MAPK13: variants seen among roughly 807,000 people sequenced by gnomAD.
The protein encoded by MAPK13 is mitogen-activated protein kinase 13, also known as MAP kinase 13.
A neutral mutation model predicts 53.5 loss-of-function variants in MAPK13; 39 were observed. That is an observed-to-expected ratio of 0.73 (90% CI 0.56 to 0.95). MAPK13 has a LOEUF of 0.95. MAPK13 is among the 40% of genes least tolerant of loss of function. MAPK13 has a pLI of 0.00. For missense variants in MAPK13, 460 were observed against 471.8 expected, an observed-to-expected ratio of 0.98 and a Z score of 0.23; for synonymous variants, 179 against 190.9, an observed-to-expected ratio of 0.94 and a Z score of 0.51.
At chr6:36,137,958 C>CA (rs35527328) in intron 8 of MAPK13, among the ~76,000 whole-genome samples, 59,172 of 83,680 alleles carry the variant, frequency 0.71, 21,651 homozygotes, top group South Asian at 0.76. Flanking sequence ...GACCCTGTCT[C>CA]AAAAAAAAAA....
At chr6:36,134,351 A>C (rs1766374668) in intron 3 of MAPK13, among the ~76,000 whole-genome samples, 1 of 152,208 alleles carries the variant, frequency 6.6e-6, no homozygotes, top group Admixed American at 6.5e-5. Context: ...CAAAAAACAC[A>C]ACCTATTACA....
At chr6:36,133,137 T>C (rs1414303304) in intron 3 of MAPK13, among the ~76,000 whole-genome samples, 1 of 152,170 alleles carries the variant, frequency 6.6e-6, no homozygotes. Context: ...AGCTGCAAAA[T>C]GTATAGCTTT....
At chr6:36,131,903 A>G (rs1446925611) in intron 2 of MAPK13, among the ~76,000 whole-genome samples, 2 of 152,230 alleles carry the variant, frequency 1.3e-5, no homozygotes, top group Non-Finnish European at 2.9e-5. Flanking sequence ...ATGGTTAGTC[A>G]GTAGCAGAGC....
intron 3 of MAPK13, among the ~76,000 whole-genome samples, chr6:36,134,853 A>C (rs1464838095): frequency 1.3e-5 from 2 of 152,198 alleles, no homozygotes; most frequent in Non-Finnish European, 2.9e-5. Flanking sequence ...GTCTCTACTA[A>C]GAATACAAAA....
At position 36,143,894 on chromosome 6, in the gene MAPK13, G is replaced by C. The variant is rs1253486500; in HGVS notation, c.*4521G>C. ...TCCTGCGGGGTCCCTGCTCAGCTGG[G>C]CAGCTGCCCTCACTCTGGGCGGGTG... On this transcript the variant is annotated 3_prime_UTR_variant, in exon 12 of 12. Transcript: ENST00000211287. 1.3e-5 allele frequency: 2 copies of C among 152,252 alleles called. No individual in the cohort carries two copies. The highest frequency in any genetic ancestry group is 2.9e-5 in the Non-Finnish European group (2 of 68,074). The allele number at this position is 152,252 out of a possible 1,614,324, so 9.4% of individuals were successfully genotyped here. A position where few individuals can be genotyped will look rare whatever the true frequency, so the allele number is the denominator to read the frequency against.
intron 5 of MAPK13, 58 bp from the exon 6 acceptor site, chr6:36,136,426 G>C (rs572073722): frequency 6.9e-7 from 1 of 1,455,032 alleles, no homozygotes; most frequent in Admixed American, 2.3e-5. Context: ...TGGTGGTGGA[G>C]CTAGGACAAG....
At position 36,130,565 on chromosome 6, in the gene MAPK13, C is replaced by T. The variant is rs777782585; in HGVS notation, c.-18C>T. Reference sequence around the variant, plus strand: ...AACGCAGCCGCCACGCTGGGGCCGCCGAGATCGGGTGCCCGGGATGAGCCT... The same window carrying T: ...AACGCAGCCGCCACGCTGGGGCCGCTGAGATCGGGTGCCCGGGATGAGCCT... On this transcript the variant is annotated 5_prime_UTR_variant, in exon 1 of 12. Coordinates refer to ENST00000211287, the MANE Select transcript of MAPK13 (RefSeq NM_002754.5). This position sits in a 1 kb window ranked among gnomAD's most constrained non-coding sequence, Gnocchi z 4.5. 5.0e-6 allele frequency: 7 copies of T among 1,404,632 alleles called. No individual in the cohort carries two copies. The highest frequency in any genetic ancestry group is 6.8e-6 in the Non-Finnish European group (7 of 1,025,604). The allele number at this position is 1,404,632 out of a possible 1,614,324, so 87.0% of individuals were successfully genotyped here.
In MAPK13 at chr6:36,136,716, C is replaced by T. The variant is rs370006071; in HGVS notation, c.556C>T (p.Arg186Cys). ...CGAGATGACTGGCTACGTGGTGACC[C>T]GCTGGTACCGAGCCCCCGAGGTGAT... ...DAEMTGYVVT[R>C]WYRAPEVILS... The change falls in exon 7 of 12, where the codon CGC becomes TGC. Residue 186 changes from arginine (R) to cysteine (C), a missense_variant. Arg to Cys is a radical substitution (Grantham distance 180). Coordinates refer to ENST00000211287, the MANE Select transcript of MAPK13 (RefSeq NM_002754.5). 1.1e-5 allele frequency: 17 copies of T among 1,613,882 alleles called. No homozygotes were observed. Among genetic ancestry groups the T allele is most frequent in the Middle Eastern group, 1.6e-4 (1 of 6,084 alleles).
At chr6:36,137,367 T>C (rs992747553) in intron 8 of MAPK13, among the ~76,000 whole-genome samples, 13 of 151,798 alleles carry the variant, frequency 8.6e-5, no homozygotes, top group Non-Finnish European at 1.2e-4. Flanking sequence ...TACAAAAAAT[T>C]AGCCAGGCGT....
chr6:36,139,495 T>C lies in MAPK13; in HGVS notation c.*122T>C. 1 of 763,208 alleles carries C rather than the reference T, an allele frequency of 1.3e-6. No homozygotes were observed. Among genetic ancestry groups the C allele is most frequent in the Non-Finnish European group, 2.2e-6 (1 of 451,722 alleles). 47.3% of individuals were successfully genotyped at this position (763,208 alleles called of 1,614,324 possible). Reference sequence around the variant, plus strand: ...CAGAGGACAGAAGGGTCCTTCTCCTTATGTGGGAAATGGGCCTAGTAGATG... The same window carrying C: ...CAGAGGACAGAAGGGTCCTTCTCCTCATGTGGGAAATGGGCCTAGTAGATG... On this transcript the variant is annotated 3_prime_UTR_variant, in exon 12 of 12. Transcript: ENST00000211287.
rs1260816866 is a variant in MAPK13 at position 36,136,961 on chromosome 6, C to T, written c.682+11C>T. 1 of 1,611,684 alleles carries T rather than the reference C, an allele frequency of 6.2e-7. No individual in the cohort carries two copies. The highest frequency in any genetic ancestry group is 8.5e-7 in the Non-Finnish European group (1 of 1,178,786). On this transcript the variant is annotated intron_variant, in intron 8 of 11. Transcript: ENST00000211287. ...TCAAGGGGAAAGATTGTATCCTTTG[C>T]TGGAAAAGCCAAACTCCATCTAGGG...
intron 11 of MAPK13, 33 bp from the exon 12 acceptor site, chr6:36,139,261 T>TTTAC: frequency 6.2e-7 from 1 of 1,600,368 alleles, no homozygotes; most frequent in Non-Finnish European, 8.6e-7. Flanking sequence ...ACAGCACCTC[T>TTTAC]TTACGCACCT....
rs1339347969 is a variant in MAPK13, at chr6:36,141,848, C to T, written c.*2475C>T. ...GCCAGTCTGAGACCCTTACTGCTGA[C>T]TGTGTCCATGGTCTCTGTTTTCTCT... On this transcript the variant is annotated 3_prime_UTR_variant, in exon 12 of 12. Transcript: ENST00000211287. The T allele has an allele frequency of 6.6e-6, 1 of 152,322 alleles. No individual in the cohort carries two copies. The highest frequency in any genetic ancestry group is 1.5e-5 in the Non-Finnish European group (1 of 68,148). 9.4% of individuals were successfully genotyped at this position (152,322 alleles called of 1,614,324 possible).
intron 2 of MAPK13, among the ~76,000 whole-genome samples, chr6:36,131,700 C>A (rs1433030088): frequency 1.3e-5 from 2 of 152,186 alleles, no homozygotes; most frequent in Non-Finnish European, 2.9e-5. Flanking sequence ...AGCTTGTGGC[C>A]AGCTGGGACT....
At chr6:36,134,061 C>A (rs571036516) in intron 3 of MAPK13, among the ~76,000 whole-genome samples, 14 of 152,164 alleles carry the variant, frequency 9.2e-5, no homozygotes, top group African/African-American at 3.4e-4. Context: ...GAGTGTGGAC[C>A]GCCCTTTCTA....
At chr6:36,131,893 A>G (rs1165528432) in intron 2 of MAPK13, among the ~76,000 whole-genome samples, 1 of 152,172 alleles carries the variant, frequency 6.6e-6, no homozygotes, top group African/African-American at 2.4e-5. Context: ...CACAGATTAG[A>G]TGGTTAGTCA....
rs1390899760 is a variant in MAPK13, at chr6:36,144,228, T to C, written c.*4855T>C. The C allele has an allele frequency of 6.6e-6, 1 of 151,824 alleles. No individual in the cohort carries two copies. Among genetic ancestry groups the C allele is most frequent in the Non-Finnish European group, 1.5e-5 (1 of 68,044 alleles). The allele number at this position is 151,824 out of a possible 1,614,324, so 9.4% of individuals were successfully genotyped here. A position where few individuals can be genotyped will look rare whatever the true frequency, so the allele number is the denominator to read the frequency against. ...GTAGGATTACAAAGTAAGCTAGTTA[T>C]ATTTATATACAGTTGTCAAAATATT... On this transcript the variant is annotated 3_prime_UTR_variant, in exon 12 of 12. Coordinates refer to ENST00000211287, the MANE Select transcript of MAPK13 (RefSeq NM_002754.5).
chr6:36,136,337 C>T (rs1766416252), intron 5 of MAPK13, 147 bp from the exon 6 acceptor site: 1 of 712,862 alleles, frequency 1.4e-6, no homozygotes, highest in Non-Finnish European at 2.3e-6. Context: ...GAGAGAACAC[C>T]TAGTCCAACC....
intron 9 of MAPK13, 128 bp downstream of exon 9, chr6:36,138,572 G>A: frequency 1.6e-6 from 2 of 1,261,078 alleles, no homozygotes; most frequent in Non-Finnish European, 2.3e-6. Context: ...ACCCTGGCAG[G>A]CACTCTTGTC....
Sources: allele counts gnomAD v4.1 joint callset (sites outside exome capture counted in the v4.1 genomes callset), GRCh38; gene constraint gnomAD v4.1.1; non-coding constraint Gnocchi (gnomAD v3.1); transcripts MANE v1.5; gene names NCBI Gene and HGNC (gene_info 2026-07-23, HGNC 2026-07-21).